The following F13A1 variants were observed in gnomAD, a reference collection of about 807,000 sequenced individuals.
The protein encoded by F13A1 is coagulation factor XIII A chain, also known as FSF, A subunit.
In F13A1, 47 loss-of-function variants were observed where a neutral mutation model predicts 80.1. The observed-to-expected ratio is 0.59, with a 90% CI of 0.46 to 0.75. The LOEUF (loss-of-function observed/expected upper bound fraction) is 0.75, where lower values mean the gene tolerates loss of function less well. Among genes scored for constraint, F13A1 ranks in the 30% least tolerant of loss-of-function variants. The pLI, the probability that F13A1 is intolerant of heterozygous loss-of-function variation, is 0.00. For synonymous variants in F13A1, 349 were observed against 344.9 expected (o/e 1.01, Z -0.13); for missense variants, 817 against 930.4 (o/e 0.88, Z 1.59).
At chr6:6,167,697 C>T (rs747665925) in intron 12 of F13A1, 79 bp from the exon 13 acceptor site, 2 of 1,529,044 alleles carry the variant, frequency 1.3e-6, no homozygotes, top group Non-Finnish European at 8.9e-7. Flanking sequence ...AGTTTCCCTA[C>T]CCCTCCCACA....
rs772798579 is a variant in F13A1, at chr6:6,174,870, G to T, written c.1460-3C>A. ...GGCCAATCTCTCTTCTTCTTGACCT[G>T]GGGGAGATCCAGAGATAATGACAGG... On this transcript the variant is annotated splice_region_variant and splice_polypyrimidine_tract_variant and intron_variant, in intron 11 of 14. Transcript: ENST00000264870. The T allele has an allele frequency of 1.9e-6, 3 of 1,614,078 alleles. No individual in the cohort carries two copies. The South Asian group carries it at 3.3e-5, about 18-fold the overall frequency.
At chr6:6,211,897 G>A (rs1045887894) in intron 8 of F13A1, among the ~76,000 whole-genome samples, 9 of 152,160 alleles carry the variant, frequency 5.9e-5, no homozygotes, top group Non-Finnish European at 1.2e-4. Flanking sequence ...TTCCCTTCCC[G>A]AGTCAAAGAA....
chr6:6,192,062 C>A (rs1178031291), intron 10 of F13A1, among the ~76,000 whole-genome samples: 2 of 152,172 alleles, frequency 1.3e-5, no homozygotes, highest in African/African-American at 4.8e-5. Context: ...GTGAGGGGAG[C>A]TTTCCTAGCA....
In F13A1 at chr6:6,250,794, A is replaced by G; in HGVS notation, c.690+17T>C. ...AGTAAAAATGTCCTTGACAATAACA[A>G]ATTTTAAGTGGCTCACCTGACCATA... On this transcript the variant is annotated intron_variant, in intron 5 of 14. Coordinates refer to ENST00000264870, the MANE Select transcript of F13A1 (RefSeq NM_000129.4). This position sits in a 1 kb window ranked among gnomAD's most constrained non-coding sequence, Gnocchi z 4.2. 1 of 1,560,588 alleles carries G rather than the reference A, an allele frequency of 6.4e-7. No homozygotes were observed. The highest frequency in any genetic ancestry group is 1.1e-5 in the South Asian group (1 of 90,050).
At chr6:6,271,722 T>C (rs1412975141) in intron 3 of F13A1, among the ~76,000 whole-genome samples, 3 of 152,352 alleles carry the variant, frequency 2.0e-5, no homozygotes, top group South Asian at 2.1e-4. Flanking sequence ...TCCCAAGTGA[T>C]CTAGAAATTA....
At chr6:6,284,849 A>G (rs112981352) in intron 3 of F13A1, among the ~76,000 whole-genome samples, 56 of 152,130 alleles carry the variant, frequency 3.7e-4, no homozygotes, top group African/African-American at 1.3e-3. Flanking sequence ...CTGAGATTTT[A>G]CCCTTCAACT....
intron 12 of F13A1, 111 bp downstream of exon 12, chr6:6,174,469 G>A: frequency 8.4e-7 from 1 of 1,194,756 alleles, no homozygotes; most frequent in Non-Finnish European, 1.2e-6. Context: ...ACACTTCTGA[G>A]ATCTTGGAGG....
chr6:6,264,039 C>T (rs763507091), intron 4 of F13A1, among the ~76,000 whole-genome samples: 25 of 152,278 alleles, frequency 1.6e-4, no homozygotes, highest in South Asian at 8.3e-4. Flanking sequence ...AGAACAAGAA[C>T]GCCTCCAGAC....
rs1342909899 is a variant in F13A1 at position 6,243,579 on chromosome 6, T to C, written c.798+4733A>G. Among the ~76,000 whole-genome samples, 1 of 152,198 alleles carries C rather than the reference T, an allele frequency of 6.6e-6. No individual in the cohort carries two copies. The highest frequency in any genetic ancestry group is 2.4e-5 in the African/African-American group (1 of 41,448). On this transcript the variant is annotated intron_variant, in intron 6 of 14. Transcript: ENST00000264870. This position sits in a 1 kb window ranked among gnomAD's most constrained non-coding sequence, Gnocchi z 4.2. The stretch of plus-strand genomic sequence containing the variant: ...GAAATGGCAATTCAATCTTACATAA[T>C]TATTGTGTTATTGGCAATAACGTGT...
intron 6 of F13A1, 139 bp downstream of exon 6, chr6:6,248,173 G>C: frequency 1.3e-6 from 1 of 758,750 alleles, no homozygotes; most frequent in South Asian, 1.5e-5. Flanking sequence ...AGCTATAACT[G>C]GGTGTCAGAA....
intron 3 of F13A1, among the ~76,000 whole-genome samples, chr6:6,293,774 TGAGAGAGAGAGGGAGG>T (rs1758268340): frequency 1.4e-5 from 1 of 71,776 alleles, no homozygotes; most frequent in African/African-American, 5.4e-5. Flanking sequence ...ATGGAGGGAG[TGAGAGAGAGAGGGAGG>T]GAGGGAGGGA....
chr6:6,166,197 C>T (rs1760668746), intron 13 of F13A1, among the ~76,000 whole-genome samples: 1 of 152,244 alleles, frequency 6.6e-6, no homozygotes, highest in Admixed American at 6.5e-5. Flanking sequence ...GTTTTCTCAT[C>T]TGTAAAGTGA....
chr6:6,234,019 A>G (rs193189989), intron 6 of F13A1, among the ~76,000 whole-genome samples: 1 of 152,196 alleles, frequency 6.6e-6, no homozygotes, highest in African/African-American at 2.4e-5. Context: ...GTTGAAAGCC[A>G]TTTCCTCTGA....
chr6:6,261,474 G>A lies in F13A1; in HGVS notation c.571+5084C>T, dbSNP rs532485315. 3.9e-5 allele frequency among the ~76,000 whole-genome samples: 6 copies of A among 152,294 alleles called. No individual in the cohort carries two copies. In the South Asian group the frequency reaches 6.2e-4, roughly 16 times the overall value. On this transcript the variant is annotated intron_variant, in intron 4 of 14. Transcript: ENST00000264870. ...CAGTGGTCCGCTAAGTGTTGACCCCGACCAGCAGCAACAGCATCTCCCAGG... is the reference window on the plus strand; with the variant it reads ...CAGTGGTCCGCTAAGTGTTGACCCCAACCAGCAGCAACAGCATCTCCCAGG...
chr6:6,279,024 T>C (rs745786687), intron 3 of F13A1, among the ~76,000 whole-genome samples: 7 of 152,152 alleles, frequency 4.6e-5, no homozygotes, highest in Non-Finnish European at 7.3e-5. Context: ...GAGATGATGC[T>C]GAAATGTTTA....
At chr6:6,313,693 C>A (rs762519664) in intron 2 of F13A1, among the ~76,000 whole-genome samples, 3 of 151,554 alleles carry the variant, frequency 2.0e-5, no homozygotes, top group Admixed American at 6.6e-5. Flanking sequence ...TAAAAAAAAA[C>A]AGGAAAAATA....
At chr6:6,192,391 T>G (rs1477749830) in intron 10 of F13A1, among the ~76,000 whole-genome samples, 1 of 152,126 alleles carries the variant, frequency 6.6e-6, no homozygotes, top group African/African-American at 2.4e-5. Context: ...TGGAGCTCAG[T>G]GTTGTACAGA....
In F13A1 at chr6:6,243,917, A is replaced by C. The variant is rs1384876147; in HGVS notation, c.798+4395T>G. ...CGGCAGCCTTTGCAGAAGCAGCTGCATCTCCTTGGGGGAAATTCTCTGCCC... is the reference window on the plus strand; with the variant it reads ...CGGCAGCCTTTGCAGAAGCAGCTGCCTCTCCTTGGGGGAAATTCTCTGCCC... On this transcript the variant is annotated intron_variant, in intron 6 of 14. Coordinates refer to ENST00000264870, the MANE Select transcript of F13A1 (RefSeq NM_000129.4). This position sits in a 1 kb window ranked among gnomAD's most constrained non-coding sequence, Gnocchi z 4.2. 6.6e-6 allele frequency among the ~76,000 whole-genome samples: 1 copy of C among 152,236 alleles called. No individual in the cohort carries two copies. The highest frequency in any genetic ancestry group is 2.4e-5 in the African/African-American group (1 of 41,458).
intron 4 of F13A1, among the ~76,000 whole-genome samples, chr6:6,265,882 A>G (rs1583101711): frequency 6.6e-6 from 1 of 152,336 alleles, no homozygotes; most frequent in Non-Finnish European, 1.5e-5. Context: ...AATAAGCCCA[A>G]TTTGTTTACA....
Sources: gnomAD v4.1 joint callset for allele counts (sites outside exome capture counted in the v4.1 genomes callset) on GRCh38, gnomAD v4.1.1 for gene constraint, Gnocchi (gnomAD v3.1) non-coding constraint, MANE v1.5 for transcripts, NCBI Gene and HGNC (gene_info 2026-07-23, HGNC 2026-07-21) for gene names.